The following METTL15 variants were observed in gnomAD, a reference collection of about 807,000 sequenced individuals.
The protein encoded by METTL15 is 12S rRNA N(4)-cytidine methyltransferase METTL15.
Under a neutral mutation model 38.3 loss-of-function variants are expected in METTL15, and 34 were observed. The ratio of observed to expected loss-of-function variants is 0.89; its 90% CI spans 0.68 to 1.18. The LOEUF is 1.18. Ranked by LOEUF, METTL15 falls within the 50% of genes most tolerant of loss-of-function variation. The probability of loss-of-function intolerance (pLI) is 0.00; values close to 1 mark genes in which losing one functional copy is unlikely to be tolerated. For synonymous variants in METTL15, 162 were observed against 170.9 expected, an observed-to-expected ratio of 0.95 and a Z score of 0.41; for missense variants, 438 against 498.4, an observed-to-expected ratio of 0.88 and a Z score of 1.15.
chr11:28,467,361 G>A (rs1366130148), intron 6 of METTL15, among the ~76,000 whole-genome samples: 1 of 152,114 alleles, frequency 6.6e-6, no homozygotes, highest in African/African-American at 2.4e-5. Context: ...TAACACCTCC[G>A]TGGGCAACTC....
intron 6 of METTL15, among the ~76,000 whole-genome samples, chr11:28,457,651 T>C (rs1340638326): frequency 1.3e-5 from 2 of 152,256 alleles, no homozygotes; most frequent in Non-Finnish European, 2.9e-5. Flanking sequence ...AGATGTCCTA[T>C]AGGAATCAAC....
chr11:28,159,177 CT>C (rs1850365330), intron 3 of METTL15, among the ~76,000 whole-genome samples: 1 of 152,006 alleles, frequency 6.6e-6, no homozygotes, highest in African/African-American at 2.4e-5. Flanking sequence ...CTTTGGGTTC[CT>C]CCTACCTTTA....
chr11:28,185,800 G>A (rs374173502), intron 3 of METTL15, among the ~76,000 whole-genome samples: 14 of 150,346 alleles, frequency 9.3e-5, no homozygotes, highest in South Asian at 2.1e-4. Flanking sequence ...GGTCTTGTTC[G>A]CAGCCTTGAA....
At chr11:28,173,590 A>G (rs1850939467) in intron 3 of METTL15, among the ~76,000 whole-genome samples, 1 of 152,228 alleles carries the variant, frequency 6.6e-6, no homozygotes, top group South Asian at 2.1e-4. Context: ...ATCTTACATT[A>G]GTATGGTGTA....
rs1438347721 is a variant in METTL15 at position 28,339,247 on chromosome 11, A to T, written c.*190-12843A>T. Among the ~76,000 whole-genome samples, 3 of 152,100 alleles carry T rather than the reference A, an allele frequency of 2.0e-5. No homozygotes were observed. The East Asian group carries it at 5.8e-4, about 29-fold the overall frequency. On this transcript the variant is annotated intron_variant and NMD_transcript_variant, in intron 3 of 7. Coordinates refer to the METTL15 transcript ENST00000532947. ...TTGTCTATCACTAAATCAAAAAGTG[A>T]CCAGTCATGAAGAAATGTGATGTGA...
intron 4 of METTL15, among the ~76,000 whole-genome samples, chr11:28,239,546 A>G (rs1234715468): frequency 6.6e-6 from 1 of 152,194 alleles, no homozygotes. Flanking sequence ...TCTATAGTGT[A>G]TTATCAGCCC....
chr11:28,191,074 G>T (rs924256000), intron 3 of METTL15, among the ~76,000 whole-genome samples: 2 of 151,258 alleles, frequency 1.3e-5, no homozygotes, highest in African/African-American at 4.8e-5. Context: ...TTATTATAAG[G>T]TTTGTATTTT....
intron 4 of METTL15, among the ~76,000 whole-genome samples, chr11:28,235,335 C>T (rs1048859952): frequency 1.3e-5 from 2 of 151,954 alleles, no homozygotes; most frequent in African/African-American, 4.8e-5. Context: ...TTTTCCAATT[C>T]TGTGAAGAAA....
chr11:28,348,724 GTATGTATGTATT>G (rs1850017610), intron 3 of METTL15, among the ~76,000 whole-genome samples: 4 of 149,872 alleles, frequency 2.7e-5, no homozygotes, highest in African/African-American at 7.4e-5. Flanking sequence ...ATGTATGTAT[GTATGTATGTATT>G]TATATCATTG....
chr11:28,243,077 A>C (rs1408306608), intron 4 of METTL15, among the ~76,000 whole-genome samples: 1 of 151,526 alleles, frequency 6.6e-6, no homozygotes, highest in Non-Finnish European at 1.5e-5. Flanking sequence ...TGATGATTGG[A>C]GTGTAAAAAA....
chr11:28,175,802 A>G (rs975510214), intron 3 of METTL15, among the ~76,000 whole-genome samples: 5 of 152,102 alleles, frequency 3.3e-5, no homozygotes, highest in African/African-American at 7.2e-5. Flanking sequence ...GGCCACTACT[A>G]TCATTTTCTT....
chr11:28,429,072 G>A (rs1850889199), intron 6 of METTL15, among the ~76,000 whole-genome samples: 1 of 152,062 alleles, frequency 6.6e-6, no homozygotes, highest in African/African-American at 2.4e-5. Context: ...TGGTAACCAA[G>A]CTCTGCTGGC....
chr11:28,338,711 G>T (rs1025494950), intron 3 of METTL15, among the ~76,000 whole-genome samples: 1 of 152,068 alleles, frequency 6.6e-6, no homozygotes, highest in East Asian at 1.9e-4. Flanking sequence ...TTAAATAAAA[G>T]AAACTTTTTA....
chr11:28,415,240 A>T (rs1850763017), intron 5 of METTL15, among the ~76,000 whole-genome samples: 1 of 152,198 alleles, frequency 6.6e-6, no homozygotes, highest in African/African-American at 2.4e-5. Flanking sequence ...GAATTGGCGA[A>T]TGGAAACATC....
intron 6 of METTL15, among the ~76,000 whole-genome samples, chr11:28,424,968 T>C (rs1590369611): frequency 1.3e-5 from 2 of 152,194 alleles, no homozygotes. Flanking sequence ...AGCAAGTTCC[T>C]TGCTGGGATG....
chr11:28,198,219 A>G (rs1011035846), intron 3 of METTL15, among the ~76,000 whole-genome samples: 5 of 152,096 alleles, frequency 3.3e-5, no homozygotes, highest in African/African-American at 1.2e-4. Context: ...TTTTGAGATT[A>G]GCTACTTGTG....
At chr11:28,517,480 G>T (rs1460545906) in intron 6 of METTL15, among the ~76,000 whole-genome samples, 1 of 152,102 alleles carries the variant, frequency 6.6e-6, no homozygotes, top group African/African-American at 2.4e-5. Flanking sequence ...TGTGAGAGGG[G>T]TGGGCATCCA....
chr11:28,131,038 G>A (rs2133632138), intron 3 of METTL15, among the ~76,000 whole-genome samples: 1 of 151,960 alleles, frequency 6.6e-6, no homozygotes. Context: ...CACCATTCCT[G>A]TAGCTCACCC....
intron 6 of METTL15, among the ~76,000 whole-genome samples, chr11:28,442,882 T>A (rs1851046552): frequency 6.6e-6 from 1 of 152,244 alleles, no homozygotes; most frequent in Non-Finnish European, 1.5e-5. Flanking sequence ...TATTTTTTAT[T>A]ATAAAAGTAA....
Sources: gnomAD v4.1 joint callset for allele counts (sites outside exome capture counted in the v4.1 genomes callset) on GRCh38, gnomAD v4.1.1 for gene constraint, MANE v1.5 for transcripts, NCBI Gene and HGNC (gene_info 2026-07-23, HGNC 2026-07-21) for gene names.